The following SNX18 variants were observed in gnomAD, a reference collection of about 807,000 sequenced individuals.
SNX18 encodes the protein sorting nexin 18.
SNX18 carries 35 observed loss-of-function variants against 48.7 expected under a neutral mutation model. The observed-to-expected ratio is 0.72, with a 90% CI of 0.55 to 0.95. The LOEUF is 0.95. SNX18 is among the 40% of genes least tolerant of loss of function. The pLI is 0.00. For missense variants in SNX18, 824 were observed against 871.0 expected, an observed-to-expected ratio of 0.95 and a Z score of 0.68; for synonymous variants, 492 against 384.7, an observed-to-expected ratio of 1.28 and a Z score of -3.26.
At chr5:54,605,515 A>G in the SNX18 span, among the ~76,000 whole-genome samples, 2 of 152,212 alleles carry the variant, frequency 1.3e-5, no homozygotes, top group Non-Finnish European at 2.9e-5. Context: ...ACTTTTTTAC[A>G]TAATTTTAAC....
chr5:54,597,514 A>C, the SNX18 span, among the ~76,000 whole-genome samples: 1 of 152,172 alleles, frequency 6.6e-6, no homozygotes, highest in Admixed American at 6.5e-5. Flanking sequence ...TCCTCAGCAA[A>C]TGCAAAAGAC....
At chr5:54,519,710 G>T in intron 1 of SNX18, 137 bp downstream of exon 1, 1 of 1,614,142 alleles carries the variant, frequency 6.2e-7, no homozygotes, top group Non-Finnish European at 8.5e-7. Context: ...TGGACGCCTG[G>T]GTCTTTTCCC....
At chr5:54,626,963 G>A in the SNX18 span, among the ~76,000 whole-genome samples, 7 of 152,182 alleles carry the variant, frequency 4.6e-5, no homozygotes, top group African/African-American at 1.2e-4. Context: ...CCTAAGGCTT[G>A]GAAGATGGCA....
At chr5:54,575,916 A>G in the SNX18 span, among the ~76,000 whole-genome samples, 1 of 152,100 alleles carries the variant, frequency 6.6e-6, no homozygotes, top group African/African-American at 2.4e-5. Flanking sequence ...ATTTCTTCAT[A>G]AACTTATCAT....
chr5:54,532,856 A>G (rs1276411444), intron 1 of SNX18, among the ~76,000 whole-genome samples: 2 of 152,246 alleles, frequency 1.3e-5, no homozygotes, highest in Non-Finnish European at 2.9e-5. Context: ...GGTAAACTGT[A>G]TGACTATATA....
chr5:54,630,014 A>T, the SNX18 span, among the ~76,000 whole-genome samples: 1 of 152,254 alleles, frequency 6.6e-6, no homozygotes. Context: ...AAAGGATTGC[A>T]GAGTCAGATG....
At chr5:54,594,857 A>G in the SNX18 span, among the ~76,000 whole-genome samples, 1 of 152,134 alleles carries the variant, frequency 6.6e-6, no homozygotes, top group Non-Finnish European at 1.5e-5. Context: ...CCTAGTGTCT[A>G]TTGTTGCCAT....
At chr5:54,570,488 A>G in the SNX18 span, among the ~76,000 whole-genome samples, 1 of 152,208 alleles carries the variant, frequency 6.6e-6, no homozygotes, top group Non-Finnish European at 1.5e-5. Context: ...CACAGTATCC[A>G]TTGAATGCTT....
At chr5:54,608,206 G>C in the SNX18 span, among the ~76,000 whole-genome samples, 2 of 151,972 alleles carry the variant, frequency 1.3e-5, no homozygotes, top group Non-Finnish European at 2.9e-5. Flanking sequence ...TTTTTCTTTA[G>C]CCTTTCTGAT....
chr5:54,589,866 A>G, the SNX18 span, among the ~76,000 whole-genome samples: 13 of 152,286 alleles, frequency 8.5e-5, no homozygotes, highest in South Asian at 2.3e-3. Context: ...TTGCTCTCTC[A>G]ACTAAGCTGG....
At chr5:54,586,307 C>T in the SNX18 span, among the ~76,000 whole-genome samples, 2 of 152,198 alleles carry the variant, frequency 1.3e-5, no homozygotes, top group South Asian at 2.1e-4. Flanking sequence ...AAGTCCTTCA[C>T]TAGCAACTAT....
rs1762574109 is a variant in SNX18 at position 54,546,116 on chromosome 5, G to A, written c.*2684G>A. 6.6e-6 allele frequency: 1 copy of A among 152,200 alleles called. No homozygotes were observed. The highest frequency in any genetic ancestry group is 1.9e-4 in the East Asian group (1 of 5,196). 9.4% of individuals were successfully genotyped at this position (152,200 alleles called of 1,614,324 possible). Reference sequence around the variant, plus strand: ...AACGCATTCAAAAGTGAAATGTAAAGCCAGTGCACGAATATTATAGTAATT... The same window carrying A: ...AACGCATTCAAAAGTGAAATGTAAAACCAGTGCACGAATATTATAGTAATT... On this transcript the variant is annotated 3_prime_UTR_variant, in exon 2 of 2. Transcript: ENST00000381410.
At chr5:54,583,305 A>G in the SNX18 span, among the ~76,000 whole-genome samples, 1 of 152,192 alleles carries the variant, frequency 6.6e-6, no homozygotes, top group Non-Finnish European at 1.5e-5. Context: ...CCTAAAAGCA[A>G]GCTTCCTTCT....
chr5:54,601,349 C>T, the SNX18 span, among the ~76,000 whole-genome samples: 1 of 152,178 alleles, frequency 6.6e-6, no homozygotes, highest in Non-Finnish European at 1.5e-5. Flanking sequence ...TCATGGGACT[C>T]ATATGAATTG....
In SNX18 at chr5:54,546,571, G is replaced by T. The variant is rs558602187; in HGVS notation, c.*3139G>T. 2.6e-5 allele frequency: 4 copies of T among 152,216 alleles called. No homozygotes were observed. Among genetic ancestry groups the T allele is most frequent in the South Asian group, 2.1e-4 (1 of 4,822 alleles). 9.4% of individuals were successfully genotyped at this position (152,216 alleles called of 1,614,324 possible). A position where few individuals can be genotyped will look rare whatever the true frequency, so the allele number is the denominator to read the frequency against. ...GTTTATCTTTTTAAAAAATAAACAG[G>T]TTGCTTTATTTCTTAGCTTCAATGG... On this transcript the variant is annotated 3_prime_UTR_variant, in exon 2 of 2. Transcript: ENST00000381410.
At chr5:54,538,066 CTTTCTTGTG>C (rs1762390742) in intron 1 of SNX18, among the ~76,000 whole-genome samples, 3 of 152,140 alleles carry the variant, frequency 2.0e-5, no homozygotes, top group Non-Finnish European at 2.9e-5. Context: ...TGCTCTCTGC[CTTTCTTGTG>C]ATATTTAAAA....
At chr5:54,568,361 G>A in the SNX18 span, among the ~76,000 whole-genome samples, 3 of 152,184 alleles carry the variant, frequency 2.0e-5, no homozygotes, top group African/African-American at 4.8e-5. Flanking sequence ...TCTATGGTTT[G>A]GACACACACT....
the SNX18 span, among the ~76,000 whole-genome samples, chr5:54,634,995 G>A: frequency 6.6e-6 from 1 of 151,942 alleles, no homozygotes; most frequent in Non-Finnish European, 1.5e-5. Flanking sequence ...TTTTAAAGCA[G>A]CCGGAAAATA....
At chr5:54,594,909 A>G in the SNX18 span, among the ~76,000 whole-genome samples, 2 of 152,178 alleles carry the variant, frequency 1.3e-5, no homozygotes, top group Non-Finnish European at 2.9e-5. Flanking sequence ...CCGTCTTATA[A>G]ATGAGCACAT....
Sources: gnomAD v4.1 joint callset for allele counts (sites outside exome capture counted in the v4.1 genomes callset) on GRCh38, gnomAD v4.1.1 for gene constraint, MANE v1.5 for transcripts, NCBI Gene and HGNC (gene_info 2026-07-23, HGNC 2026-07-21) for gene names.